ANKRD31: variants seen among roughly 807,000 people sequenced by gnomAD.
ANKRD31 encodes ankyrin repeat domain-containing protein 31.
In ANKRD31, 147 loss-of-function variants were observed where a neutral mutation model predicts 186.0. That is an observed-to-expected ratio of 0.79 (90% CI 0.69 to 0.91). ANKRD31 has a LOEUF of 0.91. ANKRD31 is among the 40% of genes least tolerant of loss of function. The probability of loss-of-function intolerance (pLI) is 0.00; values close to 1 mark genes in which losing one functional copy is unlikely to be tolerated. For missense variants in ANKRD31, 1,986 were observed against 2,148.8 expected, an observed-to-expected ratio of 0.92 and a Z score of 1.50; for synonymous variants, 673 against 736.4, an observed-to-expected ratio of 0.91 and a Z score of 1.39.
intron 11 of ANKRD31, among the ~76,000 whole-genome samples, chr5:75,159,573 G>A (rs1752433601): frequency 6.6e-6 from 1 of 151,696 alleles, no homozygotes; most frequent in Non-Finnish European, 1.5e-5. Flanking sequence ...ACAATGGGAT[G>A]AGACAGTCAA....
intron 10 of ANKRD31, among the ~76,000 whole-genome samples, chr5:75,176,076 A>T (rs187553238): frequency 2.2e-4 from 33 of 152,350 alleles, no homozygotes; most frequent in African/African-American, 6.3e-4. Context: ...ACAGCACACC[A>T]GGAGATTATA....
intron 17 of ANKRD31, among the ~76,000 whole-genome samples, chr5:75,136,464 T>A (rs956683802): frequency 6.6e-6 from 1 of 151,936 alleles, no homozygotes; most frequent in African/African-American, 2.4e-5. Context: ...CCACAATGAG[T>A]TACCATCTCA....
intron 23 of ANKRD31, among the ~76,000 whole-genome samples, chr5:75,085,611 AG>A (rs1215287748): frequency 5.3e-5 from 8 of 152,290 alleles, no homozygotes; most frequent in African/African-American, 1.9e-4. Flanking sequence ...CATGTTGGCC[AG>A]GGTGGTCTCG....
chr5:75,072,930 A>G (rs1209571214), intron 25 of ANKRD31, among the ~76,000 whole-genome samples: 1 of 152,206 alleles, frequency 6.6e-6, no homozygotes, highest in East Asian at 1.9e-4. Flanking sequence ...GGAGTGTAAG[A>G]CCTGATATAT....
chr5:75,200,728 C>A (rs1297996862), intron 5 of ANKRD31, among the ~76,000 whole-genome samples: 2 of 151,370 alleles, frequency 1.3e-5, no homozygotes, highest in East Asian at 4.0e-4. Context: ...GCCTGGCCAA[C>A]AAGGTGAAAT....
At chr5:75,220,993 T>A (rs1372263020) in intron 3 of ANKRD31, among the ~76,000 whole-genome samples, 1 of 152,030 alleles carries the variant, frequency 6.6e-6, no homozygotes, top group East Asian at 1.9e-4. Context: ...TATGCAGCCA[T>A]AAAAAAGAAT....
At chr5:75,199,563 A>C (rs928197509) in intron 6 of ANKRD31, 68 bp downstream of exon 6, 6 of 1,292,622 alleles carry the variant, frequency 4.6e-6, no homozygotes, top group Non-Finnish European at 6.3e-6. Flanking sequence ...TGATACTTTA[A>C]TCGACATAAT....
At chr5:75,201,678 G>C (rs1376117303) in intron 5 of ANKRD31, among the ~76,000 whole-genome samples, 1 of 152,036 alleles carries the variant, frequency 6.6e-6, no homozygotes, top group African/African-American at 2.4e-5. Context: ...GACCCCTCTT[G>C]GCCATGGGCA....
intron 17 of ANKRD31, among the ~76,000 whole-genome samples, chr5:75,129,622 G>A (rs2150106857): frequency 6.6e-6 from 1 of 152,224 alleles, no homozygotes; most frequent in Admixed American, 6.5e-5. Flanking sequence ...GTTCTTGATG[G>A]TTTCCTTAAC....
intron 1 of ANKRD31, 94 bp from the exon 2 acceptor site, chr5:75,230,729 T>C: frequency 1.1e-6 from 1 of 885,752 alleles, no homozygotes; most frequent in Admixed American, 2.6e-5. Context: ...CAAAACTTGC[T>C]AAAATTCTTA....
At chr5:75,194,284 AT>A (rs1256832161) in intron 7 of ANKRD31, among the ~76,000 whole-genome samples, 2 of 151,900 alleles carry the variant, frequency 1.3e-5, no homozygotes, top group African/African-American at 2.4e-5. Context: ...AAGAGGGTTT[AT>A]TTTTTTTCCT....
rs1450443866 is a variant in ANKRD31 at position 75,188,483 on chromosome 5, C to A, written c.1564+10G>T. 1.3e-6 allele frequency: 2 copies of A among 1,531,894 alleles called. No individual in the cohort carries two copies. The highest frequency in any genetic ancestry group is 4.0e-5 in the Admixed American group (2 of 50,348). 94.9% of individuals were successfully genotyped at this position (1,531,894 alleles called of 1,614,324 possible). A position where few individuals can be genotyped will look rare whatever the true frequency, so the allele number is the denominator to read the frequency against. On this transcript the variant is annotated intron_variant, in intron 10 of 25. Coordinates refer to ENST00000506364, the MANE Select transcript of ANKRD31 (RefSeq NM_001372053.1). ...TCTTAAGGTAACTGTGGGTGGTAAT[C>A]CTAACTTACCAGCATAACTTGGCTG... is the stretch of plus-strand genomic sequence containing the variant.
chr5:75,130,143 C>T (rs569113394), intron 17 of ANKRD31, among the ~76,000 whole-genome samples: 155 of 152,216 alleles, frequency 1.0e-3, no homozygotes, highest in African/African-American at 3.6e-3. Flanking sequence ...GGAGTGAAGC[C>T]GCAAACCTTT....
At chr5:75,159,156 G>A (rs781438094) in intron 11 of ANKRD31, among the ~76,000 whole-genome samples, 3 of 151,936 alleles carry the variant, frequency 2.0e-5, no homozygotes, top group Non-Finnish European at 2.9e-5. Context: ...AATTTGGAGA[G>A]ACAGATTAAC....
At position 75,193,421 on chromosome 5, in the gene ANKRD31, GCTTA is replaced by G. The variant is rs766429826; in HGVS notation, c.1184_1187del (p.Val395AlafsTer27). ...TGTGATCTGAGTACTTTGCATCTCT[GCTTA>G]CTTTCAGTTTTTCTAGTCTGGATGA... On this transcript the variant is annotated frameshift_variant, in exon 8 of 26. Coordinates refer to ENST00000506364, the MANE Select transcript of ANKRD31 (RefSeq NM_001372053.1). LOFTEE classifies it high-confidence loss of function. 2.1e-5 allele frequency: 32 copies of G among 1,537,070 alleles called. No homozygotes were observed. Among genetic ancestry groups the G allele is most frequent in the Non-Finnish European group, 2.7e-5 (31 of 1,146,772 alleles).
At chr5:75,096,832 G>T (rs1010301821) in intron 22 of ANKRD31, among the ~76,000 whole-genome samples, 17 of 126,046 alleles carry the variant, frequency 1.3e-4, no homozygotes, top group Admixed American at 2.6e-4. Context: ...CCCATGACAG[G>T]CCCCAGTGTG....
intron 17 of ANKRD31, among the ~76,000 whole-genome samples, chr5:75,119,560 A>G (rs1238684418): frequency 6.6e-6 from 1 of 152,224 alleles, no homozygotes; most frequent in East Asian, 1.9e-4. Context: ...CAATTAACAC[A>G]CAAGTGTATA....
At chr5:75,208,734 A>C (rs1333577255) in intron 4 of ANKRD31, among the ~76,000 whole-genome samples, 1 of 152,162 alleles carries the variant, frequency 6.6e-6, no homozygotes, top group African/African-American at 2.4e-5. Flanking sequence ...TCTGTCTCTC[A>C]TCTTCCCATC....
chr5:75,107,886 T>C lies in ANKRD31; in HGVS notation c.4244-269A>G, dbSNP rs556260352. ...CCACTAAGTTCTGTGAGCCTGGACA[T>C]GTAACTTATATGGTTAGCTTTCTTA... On this transcript the variant is annotated intron_variant, in intron 20 of 25. Coordinates refer to ENST00000506364, the MANE Select transcript of ANKRD31 (RefSeq NM_001372053.1). Among the ~76,000 whole-genome samples, 3 of 152,190 alleles carry C rather than the reference T, an allele frequency of 2.0e-5. No homozygotes were observed. The East Asian group carries it at 5.8e-4, about 29-fold the overall frequency.
Sources: gnomAD v4.1 joint callset for allele counts (sites outside exome capture counted in the v4.1 genomes callset) on GRCh38, gnomAD v4.1.1 for gene constraint, MANE v1.5 for transcripts, NCBI Gene and HGNC (gene_info 2026-07-23, HGNC 2026-07-21) for gene names.